Variants in LANCL2 observed in about 807,000 individuals in gnomAD.
The protein encoded by LANCL2 is LanC like glutathione S-transferase 2.
LANCL2 carries 33 observed loss-of-function variants against 56.9 expected under a neutral mutation model. The ratio of observed to expected loss-of-function variants is 0.58; its 90% confidence interval spans 0.44 to 0.78. The LOEUF (loss-of-function observed/expected upper bound fraction) is 0.78. Among genes scored for constraint, LANCL2 ranks in the 30% least tolerant of loss-of-function variants. The pLI is 0.00. For missense variants in LANCL2, 562 were observed against 580.2 expected, an observed-to-expected ratio of 0.97 and a Z score of 0.32; for synonymous variants, 233 against 228.2, an observed-to-expected ratio of 1.02 and a Z score of -0.19.
intron 2 of LANCL2, 104 bp downstream of exon 2, chr7:55,392,014 C>T: frequency 2.9e-6 from 2 of 689,158 alleles, no homozygotes; most frequent in Non-Finnish European, 5.0e-6. Context: ...AAGATTTGGC[C>T]AGGCACGGTG....
intron 1 of LANCL2, among the ~76,000 whole-genome samples, chr7:55,380,617 T>TTACA (rs1790055798): frequency 6.6e-6 from 1 of 152,150 alleles, no homozygotes; most frequent in African/African-American, 2.4e-5. Context: ...ATCGAATATG[T>TTACA]TACAGTGCGT....
At chr7:55,430,090 G>A (rs566401540) in intron 8 of LANCL2, among the ~76,000 whole-genome samples, 4 of 152,320 alleles carry the variant, frequency 2.6e-5, no homozygotes, top group East Asian at 1.9e-4. Flanking sequence ...GCTCATCCCC[G>A]CAGGGCCTGC....
intron 1 of LANCL2, among the ~76,000 whole-genome samples, chr7:55,369,653 T>G (rs527719678): frequency 1.3e-5 from 2 of 152,290 alleles, no homozygotes; most frequent in African/African-American, 4.8e-5. Flanking sequence ...TTAAGGGGAA[T>G]TGAGCCCAGC....
At chr7:55,428,519 C>A in intron 8 of LANCL2, 72 bp downstream of exon 8, 1 of 1,215,318 alleles carries the variant, frequency 8.2e-7, no homozygotes, top group Non-Finnish European at 1.2e-6. Flanking sequence ...TGGACTGGCA[C>A]TGTTCATATT....
intron 5 of LANCL2, among the ~76,000 whole-genome samples, chr7:55,406,764 CAGTTCGCCTCTT>C (rs1446924504): frequency 6.6e-6 from 1 of 152,156 alleles, no homozygotes; most frequent in East Asian, 1.9e-4. Flanking sequence ...AGAATAAAAA[CAGTTCGCCTCTT>C]GAAAATAATC....
intron 1 of LANCL2, among the ~76,000 whole-genome samples, chr7:55,389,591 T>C (rs752850983): frequency 3.9e-5 from 6 of 152,088 alleles, no homozygotes; most frequent in African/African-American, 1.4e-4. Context: ...TTGTCCAGAG[T>C]GTAGCAAAAG....
chr7:55,413,172 C>T (rs1790489987), intron 6 of LANCL2, among the ~76,000 whole-genome samples: 1 of 152,094 alleles, frequency 6.6e-6, no homozygotes. Context: ...CTAACAGTAC[C>T]CTCACTTTTA....
At chr7:55,422,096 G>A (rs1790615213) in intron 6 of LANCL2, among the ~76,000 whole-genome samples, 2 of 152,140 alleles carry the variant, frequency 1.3e-5, no homozygotes, top group East Asian at 3.8e-4. Flanking sequence ...AAAAAAGATA[G>A]TTTTGATATT....
At chr7:55,406,162 AGTGT>A (rs986926570) in intron 5 of LANCL2, among the ~76,000 whole-genome samples, 3 of 152,178 alleles carry the variant, frequency 2.0e-5, no homozygotes, top group African/African-American at 7.2e-5. Flanking sequence ...TTGCTAGAGA[AGTGT>A]GTGCCTGCAG....
At position 55,400,074 on chromosome 7, in the gene LANCL2, A is replaced by C; in HGVS notation, c.648A>C (p.Pro216=). ...TGTACCTGAACACAGAGATAGGTCC[A>C]GGCACCGTGTGTGAGTCAGCTATTA... ...ALLYLNTEIG[P]GTVCESAIKE... The change falls in exon 4 of 9, where the codon CCA becomes CCC. Residue 216 remains proline (P), a synonymous_variant. Transcript: ENST00000254770. 1 of 1,610,870 alleles carries C rather than the reference A, an allele frequency of 6.2e-7. No individual in the cohort carries two copies. The highest frequency in any genetic ancestry group is 1.1e-5 in the South Asian group (1 of 90,634).
intron 5 of LANCL2, among the ~76,000 whole-genome samples, chr7:55,407,903 G>T (rs554911977): frequency 6.6e-6 from 1 of 152,318 alleles, no homozygotes; most frequent in Admixed American, 6.5e-5. Context: ...CCGTTCCGCA[G>T]CCCCTCCGGT....
intron 2 of LANCL2, among the ~76,000 whole-genome samples, chr7:55,398,207 A>G (rs1414467671): frequency 6.6e-6 from 1 of 152,210 alleles, no homozygotes; most frequent in Admixed American, 6.5e-5. Flanking sequence ...AACATGTACA[A>G]ACATGGTTTC....
chr7:55,387,638 A>G (rs1428502716), intron 1 of LANCL2, among the ~76,000 whole-genome samples: 1 of 151,892 alleles, frequency 6.6e-6, no homozygotes, highest in Non-Finnish European at 1.5e-5. Context: ...TTGTTTTAAC[A>G]TAGAGGATTA....
chr7:55,383,119 G>A (rs1478623571), intron 1 of LANCL2, among the ~76,000 whole-genome samples: 1 of 152,186 alleles, frequency 6.6e-6, no homozygotes, highest in Non-Finnish European at 1.5e-5. Context: ...TTAGTGGGAC[G>A]TGGTGGTGAT....
chr7:55,405,356 C>A (rs1337943280), intron 5 of LANCL2, among the ~76,000 whole-genome samples: 1 of 152,192 alleles, frequency 6.6e-6, no homozygotes, highest in Admixed American at 6.5e-5. Context: ...GAGTCCACAC[C>A]GTTCAATGCT....
intron 1 of LANCL2, among the ~76,000 whole-genome samples, chr7:55,385,920 G>A (rs1041699000): frequency 2.6e-5 from 4 of 152,098 alleles, no homozygotes; most frequent in South Asian, 2.1e-4. Flanking sequence ...CCCTAGGTGC[G>A]CATTCTCTTT....
chr7:55,367,927 C>T (rs569250150), intron 1 of LANCL2, among the ~76,000 whole-genome samples: 1 of 152,292 alleles, frequency 6.6e-6, no homozygotes, highest in African/African-American at 2.4e-5. Flanking sequence ...CTCTAGATTT[C>T]TTCTATTTTT....
chr7:55,367,907 AT>A (rs1461175410), intron 1 of LANCL2, among the ~76,000 whole-genome samples: 1 of 152,202 alleles, frequency 6.6e-6, no homozygotes, highest in African/African-American at 2.4e-5. Context: ...CATATTCAAT[AT>A]TGGTTTTTCT....
At chr7:55,375,606 C>A (rs1789991779) in intron 1 of LANCL2, among the ~76,000 whole-genome samples, 1 of 152,194 alleles carries the variant, frequency 6.6e-6, no homozygotes, top group Non-Finnish European at 1.5e-5. Context: ...GCCATAAATA[C>A]CACCAATTTT....
Sources: allele counts gnomAD v4.1 joint callset (sites outside exome capture counted in the v4.1 genomes callset), GRCh38; gene constraint gnomAD v4.1.1; transcripts MANE v1.5; gene names NCBI Gene and HGNC (gene_info 2026-07-23, HGNC 2026-07-21).